ASAH1: variants seen among roughly 807,000 people sequenced by gnomAD.
The protein encoded by ASAH1 is N-acylsphingosine amidohydrolase 1.
Under a neutral mutation model 59.5 loss-of-function variants are expected in ASAH1, and 70 were observed. The observed-to-expected ratio is 1.18, with a 90% CI of 0.97 to 1.43. ASAH1 has a LOEUF of 1.43. Ranked by LOEUF, ASAH1 falls within the 40% of genes most tolerant of loss-of-function variation. The pLI is 0.00. For synonymous variants in ASAH1, 213 were observed against 166.5 expected (o/e 1.28, Z -2.15); for missense variants, 660 against 482.5 (o/e 1.37, Z -3.45).
upstream of ASAH1, chr8:18,084,151 A>T: frequency 6.4e-7 from 1 of 1,565,710 alleles, no homozygotes; most frequent in Non-Finnish European, 8.6e-7. Context: ...CCGCCGCGTG[A>T]CCCGCGACCT....
rs1420882958 is a variant in ASAH1, at chr8:18,057,313, C to T, written c.*221G>A. On this transcript the variant is annotated 3_prime_UTR_variant, in exon 14 of 14. Transcript: ENST00000637790. Reference sequence around the variant, plus strand: ...CAGTGAATTCTAGATGACTGTTTTACTTCCCCTAAAGAAGTTATCTGTAAA... The same window carrying T: ...CAGTGAATTCTAGATGACTGTTTTATTTCCCCTAAAGAAGTTATCTGTAAA... The T allele has an allele frequency of 2.7e-6, 1 of 368,904 alleles. No homozygotes were observed. The highest frequency in any genetic ancestry group is 2.1e-5 in the African/African-American group (1 of 47,370). 22.9% of individuals were successfully genotyped at this position (368,904 alleles called of 1,614,324 possible). A position where few individuals can be genotyped will look rare whatever the true frequency, so the allele number is the denominator to read the frequency against.
chr8:18,084,753 C>T, upstream of ASAH1: 1 of 1,613,670 alleles, frequency 6.2e-7, no homozygotes, highest in Non-Finnish European at 8.5e-7. Context: ...GGGTAGGAGG[C>T]CCGGTGGGAC....
At chr8:18,083,854 C>G in intron 1 of ASAH1, 127 bp downstream of exon 1, 1 of 1,513,776 alleles carries the variant, frequency 6.6e-7, no homozygotes, top group Non-Finnish European at 8.8e-7. Flanking sequence ...CACGAAACCA[C>G]AGACCCCCGT....
chr8:18,070,941 C>T (rs1800144206), intron 3 of ASAH1, among the ~76,000 whole-genome samples: 1 of 152,128 alleles, frequency 6.6e-6, no homozygotes, highest in Non-Finnish European at 1.5e-5. Context: ...GGCATGGCGG[C>T]TCATGCCTAT....
In ASAH1 at chr8:18,057,178, G is replaced by C. The variant is rs141443856; in HGVS notation, c.*356C>G. 5.4e-4 allele frequency: 147 copies of C among 271,692 alleles called. 2 individuals are homozygous for C. In the East Asian group the frequency reaches 0.012, roughly 22 times the overall value. The allele number at this position is 271,692 out of a possible 1,614,324, so 16.8% of individuals were successfully genotyped here. On this transcript the variant is annotated 3_prime_UTR_variant, in exon 14 of 14. Coordinates refer to ENST00000637790, the MANE Select transcript of ASAH1 (RefSeq NM_177924.5). ...TGTTTACTGTCCCGTTACTCACACA[G>C]ACGTGCTGGATTCAACACCCACGCT...
chr8:18,074,424 A>G (rs1588997489), intron 2 of ASAH1, among the ~76,000 whole-genome samples: 1 of 152,226 alleles, frequency 6.6e-6, no homozygotes, highest in Non-Finnish European at 1.5e-5. Context: ...GCTATCTGGG[A>G]CAGAGGCTAT....
At chr8:18,066,935 C>T (rs889277945) in intron 5 of ASAH1, 1 of 378,108 alleles carries the variant, frequency 2.6e-6, no homozygotes, top group African/African-American at 2.0e-5. Context: ...CAAAACTAAT[C>T]TATAGTGACA....
chr8:18,081,183 G>C (rs1800637656), intron 1 of ASAH1, among the ~76,000 whole-genome samples: 1 of 152,116 alleles, frequency 6.6e-6, no homozygotes, highest in African/African-American at 2.4e-5. Flanking sequence ...GCCCAGCGAA[G>C]CACTTCAGCA....
intron 5 of ASAH1, chr8:18,066,849 C>G: frequency 3.7e-6 from 1 of 271,954 alleles, no homozygotes; most frequent in Non-Finnish European, 6.9e-6. Context: ...TAGCACACCA[C>G]CCATAATGAA....
In ASAH1 at chr8:18,072,601, T is replaced by G. The variant is rs77558671; in HGVS notation, c.126-1211A>C. On this transcript the variant is annotated intron_variant, in intron 2 of 13. Coordinates refer to ENST00000637790, the MANE Select transcript of ASAH1 (RefSeq NM_177924.5). Reference sequence around the variant, plus strand: ...AAGCATTTTCAAGTTCCCCATTTTCTTAGGAGCTGATATCTACATGAAATG... The same window carrying G: ...AAGCATTTTCAAGTTCCCCATTTTCGTAGGAGCTGATATCTACATGAAATG... Among the ~76,000 whole-genome samples the G allele has an allele frequency of 2.6e-5, 4 of 152,226 alleles. No individual in the cohort carries two copies. The East Asian group carries it at 7.7e-4, about 29-fold the overall frequency.
At chr8:18,074,114 G>A (rs1800290898) in intron 2 of ASAH1, among the ~76,000 whole-genome samples, 1 of 152,220 alleles carries the variant, frequency 6.6e-6, no homozygotes, top group Non-Finnish European at 1.5e-5. Context: ...CTAAAAGGGA[G>A]TAGAAACGGC....
upstream of ASAH1, chr8:18,084,676 T>G (rs1317773642): frequency 1.2e-6 from 2 of 1,613,534 alleles, no homozygotes; most frequent in African/African-American, 1.3e-5. Flanking sequence ...GGTTACCCAC[T>G]TGGGCTTTCA....
At chr8:18,067,024 C>G (rs897882860) in intron 5 of ASAH1, 196 bp downstream of exon 5, 21 of 456,326 alleles carry the variant, frequency 4.6e-5, no homozygotes, top group Middle Eastern at 1.1e-3. Flanking sequence ...TGGGCTCTTC[C>G]GTATCTTGAT....
chr8:18,066,607 C>G (rs756625703), intron 5 of ASAH1: 3 of 151,838 alleles, frequency 2.0e-5, no homozygotes, highest in Non-Finnish European at 4.4e-5. Context: ...GAGGAGAAAA[C>G]TGAAACTCTC....
intron 1 of ASAH1, among the ~76,000 whole-genome samples, chr8:18,079,407 AAATT>A (rs1800555837): frequency 6.6e-6 from 1 of 152,126 alleles, no homozygotes; most frequent in South Asian, 2.1e-4. Flanking sequence ...TCATTAAGAG[AAATT>A]AATTACAGAG....
chr8:18,078,788 T>C (rs1445493019), intron 1 of ASAH1, among the ~76,000 whole-genome samples: 1 of 152,152 alleles, frequency 6.6e-6, no homozygotes, highest in African/African-American at 2.4e-5. Context: ...AGAGAGATTA[T>C]GTGGTCTGGA....
intron 7 of ASAH1, chr8:18,062,768 T>G (rs777916081): frequency 3.3e-5 from 13 of 391,010 alleles, no homozygotes; most frequent in Non-Finnish European, 5.2e-5. Flanking sequence ...AGCAATCCAT[T>G]TATCTTCACT....
At chr8:18,079,592 A>G (rs971750839) in intron 1 of ASAH1, among the ~76,000 whole-genome samples, 1 of 152,228 alleles carries the variant, frequency 6.6e-6, no homozygotes, top group Non-Finnish European at 1.5e-5. Flanking sequence ...TCTAATAGTG[A>G]ATTTTAAAAG....
rs2117062205 is a variant in ASAH1, at chr8:18,071,303, T to C, written c.213A>G (p.Pro71=). The change falls in exon 3 of 14, where the codon CCA becomes CCG. Residue 71 remains proline (P), a synonymous_variant. Coordinates refer to ENST00000637790, the MANE Select transcript of ASAH1 (RefSeq NM_177924.5). ...RWHELMLDKA[P]VLKVIVNSLK... is the part of the protein sequence containing the mutation. Reference sequence around the variant, plus strand: ...AGATTTAAGCATCATAGCATACCACTGGTGCCTTGTCAAGCATCAATTCAT... The same window carrying C: ...AGATTTAAGCATCATAGCATACCACCGGTGCCTTGTCAAGCATCAATTCAT... 6.4e-7 allele frequency: 1 copy of C among 1,569,104 alleles called. No homozygotes were observed. Among genetic ancestry groups the C allele is most frequent in the Non-Finnish European group, 8.7e-7 (1 of 1,142,980 alleles).
Sources: allele counts gnomAD v4.1 joint callset (sites outside exome capture counted in the v4.1 genomes callset), GRCh38; gene constraint gnomAD v4.1.1; transcripts MANE v1.5; gene names NCBI Gene and HGNC (gene_info 2026-07-23, HGNC 2026-07-21).